Variants in DTNA observed in about 807,000 individuals in gnomAD.
DTNA encodes dystrophin-related protein 3.
In DTNA, 43 loss-of-function variants were observed where a neutral mutation model predicts 100.7. The observed-to-expected ratio is 0.43, with a 90% confidence interval of 0.33 to 0.55. DTNA has a LOEUF of 0.55. Ranked by LOEUF, DTNA falls within the 20% of genes least tolerant of loss-of-function variation. The pLI is 0.04. For missense variants in DTNA, 798 were observed against 953.9 expected (o/e 0.84, Z 2.15); for synonymous variants, 349 against 347.9 (o/e 1.00, Z -0.04).
rs1603302169 is a variant in DTNA, at chr18:34,867,267, C to T, written c.1743+3205C>T. 3.2e-6 allele frequency: 4 copies of T among 1,231,008 alleles called. No individual in the cohort carries two copies. In the African/African-American group the frequency reaches 6.2e-5, roughly 19 times the overall value. 76.3% of individuals were successfully genotyped at this position (1,231,008 alleles called of 1,614,324 possible). A position where few individuals can be genotyped will look rare whatever the true frequency, so the allele number is the denominator to read the frequency against. The stretch of plus-strand genomic sequence containing the variant: ...CTGGACACATTTTTACCCTTCATTC[C>T]CATGGTCTGTAAAAAAGGAAAGTGT... On this transcript the variant is annotated intron_variant, in intron 17 of 22. Transcript: ENST00000444659.
chr18:34,866,481 C>A (rs1036366627), intron 17 of DTNA: 12 of 1,204,442 alleles, frequency 1.0e-5, no homozygotes, highest in African/African-American at 4.7e-5. Context: ...CAGAGAGATA[C>A]CACAGTCACT....
At chr18:34,712,466 A>T (rs1600641674) in intron 1 of DTNA, among the ~76,000 whole-genome samples, 1 of 152,260 alleles carries the variant, frequency 6.6e-6, no homozygotes, top group East Asian at 1.9e-4. Flanking sequence ...TAGATATTAG[A>T]GCTACAAGTG....
chr18:34,887,695 C>A, intron 22 of DTNA, 71 bp from the exon 23 acceptor site: 2 of 982,380 alleles, frequency 2.0e-6, no homozygotes, highest in Non-Finnish European at 2.4e-6. Context: ...AAGGGGGGAT[C>A]CTAAGTTTCA....
chr18:34,617,894 T>A (rs1158971016), intron 1 of DTNA, among the ~76,000 whole-genome samples: 1 of 152,200 alleles, frequency 6.6e-6, no homozygotes, highest in East Asian at 1.9e-4. Flanking sequence ...TTTGCTTTAT[T>A]ATAGTGGTCT....
At chr18:34,692,813 G>A (rs1330878602) in intron 1 of DTNA, among the ~76,000 whole-genome samples, 1 of 152,124 alleles carries the variant, frequency 6.6e-6, no homozygotes, top group Non-Finnish European at 1.5e-5. Flanking sequence ...AATGTTATCT[G>A]GGATTACCAC....
intron 9 of DTNA, among the ~76,000 whole-genome samples, chr18:34,827,182 C>T (rs745352076): frequency 1.3e-5 from 2 of 152,140 alleles, no homozygotes; most frequent in African/African-American, 4.8e-5. Flanking sequence ...ACAGAAGGAA[C>T]CTTTCAAAGC....
intron 14 of DTNA, among the ~76,000 whole-genome samples, chr18:34,851,381 C>T (rs921419855): frequency 2.0e-5 from 3 of 152,136 alleles, no homozygotes; most frequent in African/African-American, 4.8e-5. Flanking sequence ...GGATTACAGG[C>T]GTGAGCCACC....
intron 1 of DTNA, among the ~76,000 whole-genome samples, chr18:34,501,392 C>G (rs1365655927): frequency 1.3e-5 from 2 of 152,116 alleles, no homozygotes; most frequent in Non-Finnish European, 2.9e-5. Context: ...ATTTTTACAT[C>G]TATATTCATG....
intron 4 of DTNA, among the ~76,000 whole-genome samples, chr18:34,803,097 A>G (rs1036209698): frequency 2.0e-5 from 3 of 152,176 alleles, no homozygotes; most frequent in African/African-American, 7.2e-5. Context: ...TAAGCAAAGT[A>G]TGAACTCACC....
chr18:34,790,567 A>ATATATATATATATTT (rs2094687460), intron 3 of DTNA, among the ~76,000 whole-genome samples: 2 of 39,660 alleles, frequency 5.0e-5, no homozygotes, highest in African/African-American at 1.8e-4. Flanking sequence ...ATATATATAT[A>ATATATATATATATTT]TTTTTTTTTT....
At chr18:34,629,128 T>G (rs1274222695) in intron 1 of DTNA, among the ~76,000 whole-genome samples, 1 of 152,218 alleles carries the variant, frequency 6.6e-6, no homozygotes, top group East Asian at 1.9e-4. Flanking sequence ...ACACAAGCTC[T>G]TTTATTTTCT....
At chr18:34,572,627 C>T (rs115684016) in intron 1 of DTNA, among the ~76,000 whole-genome samples, 149 of 152,278 alleles carry the variant, frequency 9.8e-4, no homozygotes, top group African/African-American at 3.5e-3. Flanking sequence ...CATATTATGT[C>T]TCCCCAGCCT....
chr18:34,723,037 G>C (rs2085727322), intron 1 of DTNA, among the ~76,000 whole-genome samples: 1 of 151,942 alleles, frequency 6.6e-6, no homozygotes, highest in Admixed American at 6.6e-5. Flanking sequence ...CTTTCCTTTT[G>C]AGTAAATGTC....
chr18:34,683,445 A>G (rs1241006078), intron 1 of DTNA: 1 of 152,080 alleles, frequency 6.6e-6, no homozygotes, highest in African/African-American at 2.4e-5. Flanking sequence ...CTTCTCATTT[A>G]TTTATGTAGT....
intron 1 of DTNA, among the ~76,000 whole-genome samples, chr18:34,508,499 C>G (rs1235845687): frequency 6.6e-6 from 1 of 152,098 alleles, no homozygotes; most frequent in Non-Finnish European, 1.5e-5. Flanking sequence ...TATTTTATAA[C>G]TGAGATAGAA....
chr18:34,583,612 A>G (rs2048843878), intron 1 of DTNA, among the ~76,000 whole-genome samples: 1 of 152,050 alleles, frequency 6.6e-6, no homozygotes, highest in Non-Finnish European at 1.5e-5. Flanking sequence ...TGGAAATGGA[A>G]TGAATGAGTG....
In DTNA at chr18:34,517,557, C is replaced by G. The variant is rs570460270; in HGVS notation, c.-2+24043C>G. 4.3e-4 allele frequency among the ~76,000 whole-genome samples: 65 copies of G among 151,298 alleles called. No homozygotes were observed. The Middle Eastern group carries it at 0.014, about 32-fold the overall frequency. On this transcript the variant is annotated intron_variant, in intron 1 of 19. Transcript: ENST00000283365. ...ATATCACTAAAATCAAGATAGAGAA[C>G]AGTTCCATAGTGCTGCTCTTTTATA... is the stretch of plus-strand genomic sequence containing the variant.
chr18:34,605,026 G>A (rs2052722044), intron 1 of DTNA, among the ~76,000 whole-genome samples: 1 of 150,040 alleles, frequency 6.7e-6, no homozygotes, highest in African/African-American at 2.5e-5. Context: ...TTTTAACTTA[G>A]AAACATCCAA....
intron 17 of DTNA, 29 bp downstream of exon 17, chr18:34,864,091 G>C (rs375280929): frequency 1.3e-6 from 2 of 1,577,806 alleles, no homozygotes. Context: ...ATTTTCCTGA[G>C]CTTATTTTCC....
Sources: allele counts gnomAD v4.1 joint callset (sites outside exome capture counted in the v4.1 genomes callset), GRCh38; gene constraint gnomAD v4.1.1; transcripts MANE v1.5; gene names NCBI Gene and HGNC (gene_info 2026-07-23, HGNC 2026-07-21).